VMP1: variants seen among roughly 807,000 people sequenced by gnomAD.
The protein encoded by VMP1 is vacuole membrane protein 1, also known as ectopic P-granules autophagy protein 3 homolog.
VMP1 carries 11 observed loss-of-function variants against 56.0 expected under a neutral mutation model. The ratio of observed to expected loss-of-function variants is 0.20; its 90% confidence interval spans 0.12 to 0.32. The LOEUF (loss-of-function observed/expected upper bound fraction) is 0.32, where lower values mean the gene tolerates loss of function less well. Ranked by LOEUF, VMP1 falls within the 10% of genes least tolerant of loss-of-function variation. The pLI, the probability that VMP1 is intolerant of heterozygous loss-of-function variation, is 1.00. For synonymous variants in VMP1, 149 were observed against 165.0 expected (o/e 0.90, Z 0.74); for missense variants, 296 against 490.3 (o/e 0.60, Z 3.74).
At chr17:59,778,095 CTT>C (rs1361643245) in intron 7 of VMP1, among the ~76,000 whole-genome samples, 2 of 152,076 alleles carry the variant, frequency 1.3e-5, no homozygotes, top group Admixed American at 6.6e-5. Flanking sequence ...TCTTCTAAGT[CTT>C]ATATCGAAAT....
intron 10 of VMP1, among the ~76,000 whole-genome samples, chr17:59,834,714 T>A (rs979590907): frequency 2.0e-5 from 3 of 151,738 alleles, no homozygotes; most frequent in African/African-American, 4.8e-5. Context: ...AACCACCATC[T>A]CCTGGGTTCA....
intron 5 of VMP1, among the ~76,000 whole-genome samples, chr17:59,760,879 A>C (rs2036026475): frequency 6.6e-6 from 1 of 152,058 alleles, no homozygotes; most frequent in Non-Finnish European, 1.5e-5. Flanking sequence ...TTGGCCTCCC[A>C]AAGCGCTGGG....
intron 2 of VMP1, among the ~76,000 whole-genome samples, chr17:59,732,628 A>C (rs921863530): frequency 6.6e-6 from 1 of 152,188 alleles, no homozygotes; most frequent in African/African-American, 2.4e-5. Context: ...GTTGTCAGTA[A>C]ACTTGGCAAT....
chr17:59,727,131 G>GT (rs556105876), intron 1 of VMP1, among the ~76,000 whole-genome samples: 128 of 139,432 alleles, frequency 9.2e-4, no homozygotes, highest in South Asian at 5.5e-3. Context: ...TAGACTTTTT[G>GT]TTTTTTTTTG....
chr17:59,772,300 A>G (rs753803629), intron 6 of VMP1, among the ~76,000 whole-genome samples: 1 of 151,926 alleles, frequency 6.6e-6, no homozygotes, highest in Non-Finnish European at 1.5e-5. Context: ...CTCTTTTTCA[A>G]AATTCTTGTT....
At position 59,819,602 on chromosome 17, in the gene VMP1, C is replaced by T. The variant is rs542068730; in HGVS notation, c.974+1829C>T. Among the ~76,000 whole-genome samples, 121 of 152,196 alleles carry T rather than the reference C, an allele frequency of 8.0e-4. 1 individual carries two copies. The highest frequency in any genetic ancestry group is 6.8e-3 in the Middle Eastern group (2 of 294). ...CTGAGTAGCTGGGATTACAGGTGTA[C>T]GCCACCACACCCAGCTAATTTTTGT... On this transcript the variant is annotated intron_variant, in intron 10 of 11. Coordinates refer to ENST00000262291, the MANE Select transcript of VMP1 (RefSeq NM_030938.5).
At chr17:59,803,032 A>T (rs1041036968) in intron 7 of VMP1, among the ~76,000 whole-genome samples, 15 of 152,224 alleles carry the variant, frequency 9.9e-5, no homozygotes. Flanking sequence ...GGCATGAGCC[A>T]CCGCATATGG....
At chr17:59,798,622 C>T (rs2037530052) in intron 7 of VMP1, among the ~76,000 whole-genome samples, 1 of 152,246 alleles carries the variant, frequency 6.6e-6, no homozygotes, top group South Asian at 2.1e-4. Flanking sequence ...CACGGTGGCT[C>T]ACGCCTGTAA....
At chr17:59,835,499 T>G (rs963260210) in intron 10 of VMP1, among the ~76,000 whole-genome samples, 43 of 151,088 alleles carry the variant, frequency 2.8e-4, no homozygotes, top group African/African-American at 7.0e-4. Context: ...TTTTGTTTTT[T>G]TTTTTTTTGA....
chr17:59,726,965 T>C (rs2034630580), intron 1 of VMP1, among the ~76,000 whole-genome samples: 1 of 152,190 alleles, frequency 6.6e-6, no homozygotes, highest in African/African-American at 2.4e-5. Context: ...ATAGCTAGTA[T>C]ATATTGAGGT....
chr17:59,804,061 T>C (rs2037763658), intron 7 of VMP1, among the ~76,000 whole-genome samples: 1 of 151,960 alleles, frequency 6.6e-6, no homozygotes, highest in Admixed American at 6.6e-5. Flanking sequence ...CAAATGAGAA[T>C]ATATATATTT....
chr17:59,820,912 G>A (rs536811843), intron 10 of VMP1, among the ~76,000 whole-genome samples: 11 of 151,540 alleles, frequency 7.3e-5, no homozygotes, highest in African/African-American at 2.4e-4. Flanking sequence ...AAATAGAAAT[G>A]CCTTTAAGCT....
At position 59,801,091 on chromosome 17, in the gene VMP1, A is replaced by AT. The variant is rs1555623872; in HGVS notation, c.715-7705_715-7704insT. On this transcript the variant is annotated intron_variant, in intron 7 of 11. Transcript: ENST00000262291. ...CAAGACTCCATCTCGAAAAAAAAAA[A>AT]ATATATATATATATATATATATGTG... is the stretch of plus-strand genomic sequence containing the variant. Among the ~76,000 whole-genome samples the AT allele has an allele frequency of 8.6e-3, 939 of 109,208 alleles. 7 individuals are homozygous for AT. Among genetic ancestry groups the AT allele is most frequent in the East Asian group, 0.013 (50 of 3,996 alleles). 71.6% of individuals were successfully genotyped at this position (109,208 alleles called of 152,430 possible).
rs186830355 is a variant in VMP1 at position 59,795,837 on chromosome 17, C to T, written c.715-12959C>T. On this transcript the variant is annotated intron_variant, in intron 7 of 11. Coordinates refer to ENST00000262291, the MANE Select transcript of VMP1 (RefSeq NM_030938.5). ...TTTTTGTCTCTTGACATTTACTAAG[C>T]AGTATAACTTCAATTTAAACAATTT... Among the ~76,000 whole-genome samples the T allele has an allele frequency of 8.3e-4, 126 of 152,152 alleles. 2 individuals are homozygous for T. Among genetic ancestry groups the T allele is most frequent in the African/African-American group, 3.0e-3 (123 of 41,520 alleles).
chr17:59,715,487 G>A (rs986927738), intron 1 of VMP1, among the ~76,000 whole-genome samples: 1 of 152,102 alleles, frequency 6.6e-6, no homozygotes, highest in African/African-American at 2.4e-5. Flanking sequence ...CAGCATGGGG[G>A]AAACGGCCCC....
intron 1 of VMP1, among the ~76,000 whole-genome samples, chr17:59,720,411 C>G (rs2034345112): frequency 6.6e-6 from 1 of 152,088 alleles, no homozygotes; most frequent in Admixed American, 6.5e-5. Flanking sequence ...TCAACATAAA[C>G]TAAGATTGTT....
At chr17:59,717,100 C>T (rs1172970485) in intron 1 of VMP1, among the ~76,000 whole-genome samples, 3 of 152,126 alleles carry the variant, frequency 2.0e-5, no homozygotes, top group Non-Finnish European at 2.9e-5. Context: ...CTTCTTCAAC[C>T]TCCCGAGTAG....
At chr17:59,752,604 T>C (rs1407193812) in intron 5 of VMP1, among the ~76,000 whole-genome samples, 2 of 152,248 alleles carry the variant, frequency 1.3e-5, no homozygotes, top group African/African-American at 4.8e-5. Context: ...CAGAAGAATT[T>C]CTTCTAAATG....
chr17:59,735,599 A>T, intron 3 of VMP1, 126 bp downstream of exon 3: 1 of 987,764 alleles, frequency 1.0e-6, no homozygotes, highest in Middle Eastern at 3.0e-4. Flanking sequence ...GAATATTACC[A>T]TAGGAACATA....
Sources: gnomAD v4.1 joint callset for allele counts (sites outside exome capture counted in the v4.1 genomes callset) on GRCh38, gnomAD v4.1.1 for gene constraint, MANE v1.5 for transcripts, NCBI Gene and HGNC (gene_info 2026-07-23, HGNC 2026-07-21) for gene names.